The following PCDHGA6 variants were observed in gnomAD, a reference collection of about 807,000 sequenced individuals.
PCDHGA6 encodes the protein protocadherin gamma subfamily A, 6.
A neutral mutation model predicts 60.6 loss-of-function variants in PCDHGA6; 41 were observed. The observed-to-expected ratio is 0.68, with a 90% CI of 0.53 to 0.88. The LOEUF (loss-of-function observed/expected upper bound fraction) is 0.88, where lower values mean the gene tolerates loss of function less well. Among genes scored for constraint, PCDHGA6 ranks in the 40% least tolerant of loss-of-function variants. PCDHGA6 has a pLI of 0.00. For missense variants in PCDHGA6, 1,312 were observed against 1,203.0 expected (o/e 1.09, Z -1.34); for synonymous variants, 594 against 524.4 (o/e 1.13, Z -1.81).
chr5:141,416,745 C>T (rs186830862), intron 1 of PCDHGA6: 5 of 152,194 alleles, frequency 3.3e-5, no homozygotes, highest in South Asian at 2.1e-4. Flanking sequence ...AAAATAGTGA[C>T]GTATTAGGTA....
chr5:141,505,589 C>T, intron 3 of PCDHGA6, 108 bp downstream of exon 3: 1 of 1,573,272 alleles, frequency 6.4e-7, no homozygotes, highest in Non-Finnish European at 8.6e-7. Context: ...GTAGTTTCTC[C>T]AGATCTTTCG....
At chr5:141,420,027 C>T in intron 1 of PCDHGA6, 3 of 1,614,082 alleles carry the variant, frequency 1.9e-6, no homozygotes, top group Non-Finnish European at 2.5e-6. Flanking sequence ...AGCCCTACTG[C>T]AGGAGACTGC....
At chr5:141,429,445 G>C (rs2097215795) in intron 1 of PCDHGA6, among the ~76,000 whole-genome samples, 1 of 151,758 alleles carries the variant, frequency 6.6e-6, no homozygotes, top group Admixed American at 6.6e-5. Context: ...AAACTCTTGG[G>C]CTACAGTAAT....
At chr5:141,500,086 A>G (rs1456179271) in intron 2 of PCDHGA6, among the ~76,000 whole-genome samples, 1 of 151,682 alleles carries the variant, frequency 6.6e-6, no homozygotes, top group Non-Finnish European at 1.5e-5. Flanking sequence ...TCCATCTTCC[A>G]TTTTTGCAAT....
At chr5:141,394,235 G>C (rs1444438979) in intron 1 of PCDHGA6, 1 of 1,613,820 alleles carries the variant, frequency 6.2e-7, no homozygotes, top group South Asian at 1.1e-5. Flanking sequence ...TCTTTTCCTT[G>C]ACTGCACACG....
rs2099883795 is a variant in PCDHGA6 at position 141,511,444 on chromosome 5, A to C, written c.*271A>C. 3.0e-6 allele frequency: 2 copies of C among 665,362 alleles called. No individual in the cohort carries two copies. The highest frequency in any genetic ancestry group is 3.6e-5 in the African/African-American group (2 of 54,978). 41.2% of individuals were successfully genotyped at this position (665,362 alleles called of 1,614,324 possible). On this transcript the variant is annotated 3_prime_UTR_variant, in exon 4 of 4. Coordinates refer to ENST00000517434, the MANE Select transcript of PCDHGA6 (RefSeq NM_018919.3). ...GGGTAGTGGGGTTACTGTAGACACC[A>C]AGAACCATTTGCCACACCCCGTTTA...
At position 141,476,632 on chromosome 5, in the gene PCDHGA6, T is replaced by A. The variant is rs994726301; in HGVS notation, c.2425-18175T>A. ...TGGGAAGCAACTCTTTACAAACCTATGAGCTGAGCCGAAATGAATACTTTG... is the reference window on the plus strand; with the variant it reads ...TGGGAAGCAACTCTTTACAAACCTAAGAGCTGAGCCGAAATGAATACTTTG... On this transcript the variant is annotated intron_variant, in intron 1 of 3. Transcript: ENST00000517434. The surrounding 1 kb of genome is among the most constrained non-coding windows in gnomAD (Gnocchi z 7.6). 1 of 1,614,216 alleles carries A rather than the reference T, an allele frequency of 6.2e-7. No individual in the cohort carries two copies. The highest frequency in any genetic ancestry group is 8.5e-7 in the Non-Finnish European group (1 of 1,180,028).
chr5:141,432,622 G>A lies in PCDHGA6; in HGVS notation c.2424+56115G>A. 6.2e-7 allele frequency: 1 copy of A among 1,612,776 alleles called. No individual in the cohort carries two copies. The stretch of plus-strand genomic sequence containing the variant: ...AGCCGGGACTCTTCTCGGTGGGTCT[G>A]CACACGGGCGAGGTGCGCACGGCGC... On this transcript the variant is annotated intron_variant, in intron 1 of 3. Transcript: ENST00000517434. This position sits in a 1 kb window ranked among gnomAD's most constrained non-coding sequence, Gnocchi z 6.0.
intron 1 of PCDHGA6, chr5:141,388,866 C>A (rs2091521937): frequency 2.5e-6 from 4 of 1,613,832 alleles, no homozygotes; most frequent in Non-Finnish European, 3.4e-6. Flanking sequence ...AATGATTGCG[C>A]AATGCACAGT....
intron 3 of PCDHGA6, 99 bp from the exon 4 acceptor site, chr5:141,510,848 G>A: frequency 6.3e-7 from 1 of 1,596,080 alleles, no homozygotes. Flanking sequence ...TCAAGGCCCA[G>A]GGTGCTGTAT....
chr5:141,423,678 G>A (rs1161093615), intron 1 of PCDHGA6: 3 of 1,496,158 alleles, frequency 2.0e-6, no homozygotes, highest in Non-Finnish European at 2.7e-6. Flanking sequence ...TTATTTCTCT[G>A]CCTCCTAATT....
At chr5:141,382,798 A>C in intron 1 of PCDHGA6, 2 of 1,017,066 alleles carry the variant, frequency 2.0e-6, no homozygotes, top group Admixed American at 2.4e-5. Context: ...ATCCTGCTGG[A>C]TTCTGAGCTC....
intron 1 of PCDHGA6, among the ~76,000 whole-genome samples, chr5:141,460,447 A>G (rs1202218653): frequency 6.6e-6 from 1 of 152,170 alleles, no homozygotes; most frequent in Non-Finnish European, 1.5e-5. Context: ...GTAACAATGA[A>G]GATTCATATT....
At chr5:141,422,090 A>T (rs762413085) in intron 1 of PCDHGA6, 1 of 1,611,852 alleles carries the variant, frequency 6.2e-7, no homozygotes, top group East Asian at 2.2e-5. Context: ...ATGGAAAGCA[A>T]GGCTTCTGAA....
intron 2 of PCDHGA6, among the ~76,000 whole-genome samples, chr5:141,495,128 G>T (rs1408872159): frequency 2.6e-5 from 4 of 152,160 alleles, no homozygotes; most frequent in African/African-American, 9.7e-5. Flanking sequence ...TCCCCTGAGG[G>T]CACTGTGGAA....
At chr5:141,414,646 A>G in intron 1 of PCDHGA6, 2 of 1,613,928 alleles carry the variant, frequency 1.2e-6, no homozygotes, top group Non-Finnish European at 1.7e-6. Context: ...GAATGCCCAG[A>G]TTATTTACTC....
chr5:141,479,928 C>T (rs1309777916), intron 1 of PCDHGA6, among the ~76,000 whole-genome samples: 1 of 152,222 alleles, frequency 6.6e-6, no homozygotes, highest in African/African-American at 2.4e-5. Flanking sequence ...CTCAGTGCAT[C>T]ATTGCTATCA....
intron 1 of PCDHGA6, among the ~76,000 whole-genome samples, chr5:141,420,643 A>G (rs145459829): frequency 0.01 from 1,535 of 152,326 alleles, 17 homozygotes; most frequent in Non-Finnish European, 0.013. Flanking sequence ...GGAACCTTGT[A>G]AGAATTATAG....
chr5:141,384,300 A>G, intron 1 of PCDHGA6: 1 of 1,613,776 alleles, frequency 6.2e-7, no homozygotes, highest in South Asian at 1.1e-5. Context: ...ACAACCCCAG[A>G]GGGGCCTCCA....
Sources: allele counts gnomAD v4.1 joint callset (sites outside exome capture counted in the v4.1 genomes callset), GRCh38; gene constraint gnomAD v4.1.1; non-coding constraint Gnocchi (gnomAD v3.1); transcripts MANE v1.5; gene names NCBI Gene and HGNC (gene_info 2026-07-23, HGNC 2026-07-21).